The following MACIR variants were observed in gnomAD, a reference collection of about 807,000 sequenced individuals.
MACIR encodes UNC119-binding protein C5orf30.
In MACIR, 4 loss-of-function variants were observed where a neutral mutation model predicts 14.3. The observed-to-expected ratio is 0.28, with a 90% CI of 0.14 to 0.64. The LOEUF (loss-of-function observed/expected upper bound fraction) is 0.64, where lower values mean the gene tolerates loss of function less well. MACIR is among the 30% of genes least tolerant of loss of function. The pLI, the probability that MACIR is intolerant of heterozygous loss-of-function variation, is 0.83. For missense variants in MACIR, 228 were observed against 257.6 expected, an observed-to-expected ratio of 0.89 and a Z score of 0.79; for synonymous variants, 101 against 102.4, an observed-to-expected ratio of 0.99 and a Z score of 0.08.
rs1805390377 is a variant in MACIR, at chr5:103,277,818, T to C, written c.*1278T>C. The C allele has an allele frequency of 6.0e-6, 1 of 167,198 alleles. No homozygotes were observed. Among genetic ancestry groups the C allele is most frequent in the African/African-American group, 2.4e-5 (1 of 41,572 alleles). The allele number at this position is 167,198 out of a possible 1,614,324, so 10.4% of individuals were successfully genotyped here. A position where few individuals can be genotyped will look rare whatever the true frequency, so the allele number is the denominator to read the frequency against. On this transcript the variant is annotated 3_prime_UTR_variant, in exon 3 of 3. Transcript: ENST00000319933. ...ATTTTTGACTCTTAAAGGTGCAATTTATTACTGAATTGGGATTTCTGGCAG... is the reference window on the plus strand; with the variant it reads ...ATTTTTGACTCTTAAAGGTGCAATTCATTACTGAATTGGGATTTCTGGCAG...
At chr5:103,269,562 G>T (rs184972754) in intron 2 of MACIR, among the ~76,000 whole-genome samples, 1 of 151,938 alleles carries the variant, frequency 6.6e-6, no homozygotes, top group Non-Finnish European at 1.5e-5. Context: ...AGAATTCTTC[G>T]TATAGCAGTT....
At chr5:103,261,471 G>A (rs939214737) in intron 1 of MACIR, among the ~76,000 whole-genome samples, 3 of 152,098 alleles carry the variant, frequency 2.0e-5, no homozygotes, top group Non-Finnish European at 4.4e-5. Flanking sequence ...CTCCAGAGAT[G>A]TTTTGGTTCA....
chr5:103,262,948 G>A (rs1384041405), intron 1 of MACIR, among the ~76,000 whole-genome samples: 1 of 152,134 alleles, frequency 6.6e-6, no homozygotes, highest in African/African-American at 2.4e-5. Flanking sequence ...GCCAAAATCA[G>A]TTGCAAGCGT....
intron 1 of MACIR, among the ~76,000 whole-genome samples, chr5:103,262,023 A>G (rs2149921098): frequency 6.6e-6 from 1 of 152,226 alleles, no homozygotes; most frequent in East Asian, 1.9e-4. Flanking sequence ...GAGATTCACG[A>G]CTTTTTTGTG....
intron 2 of MACIR, among the ~76,000 whole-genome samples, chr5:103,268,248 T>C (rs782675966): frequency 1.3e-5 from 2 of 152,192 alleles, no homozygotes; most frequent in Non-Finnish European, 2.9e-5. Context: ...ATTTTATAAG[T>C]AAATGCCAAA....
chr5:103,264,130 A>C (rs1452294459), intron 1 of MACIR, among the ~76,000 whole-genome samples: 1 of 152,182 alleles, frequency 6.6e-6, no homozygotes, highest in Non-Finnish European at 1.5e-5. Context: ...TTGCGGGATC[A>C]TGATTATTGT....
rs1285485964 is a variant in MACIR at position 103,258,840 on chromosome 5, CT to C, written c.-169del. 1.8e-4 allele frequency: 27 copies of C among 152,388 alleles called. No homozygotes were observed. The highest frequency in any genetic ancestry group is 3.1e-3 in the Middle Eastern group (1 of 322). 9.4% of individuals were successfully genotyped at this position (152,388 alleles called of 1,614,324 possible). On this transcript the variant is annotated 5_prime_UTR_variant, in exon 1 of 3. Transcript: ENST00000319933. ...CCGCAGTCCTGCGCCTCTCCCGCCC[CT>C]GTCTCCCGCTCCGCAGCCCCGGGCA...
chr5:103,261,600 T>C (rs1554236263), intron 1 of MACIR, among the ~76,000 whole-genome samples: 1 of 152,092 alleles, frequency 6.6e-6, no homozygotes, highest in Non-Finnish European at 1.5e-5. Flanking sequence ...AGTGGTCTCT[T>C]CTTAAATAGC....
Position 103,276,582 on chromosome 5 carries a change from C to T in MACIR, c.*42C>T, listed in dbSNP as rs576781368. On this transcript the variant is annotated 3_prime_UTR_variant, in exon 3 of 3. Transcript: ENST00000319933. ...TTAAACCAATTTAGGTCAGCCTACG[C>T]TTGGCTAGAAAAAACCCACTGCTGT... 1.4e-5 allele frequency: 22 copies of T among 1,553,186 alleles called. No individual in the cohort carries two copies. In the East Asian group the frequency reaches 4.9e-4, roughly 35 times the overall value.
At position 103,278,020 on chromosome 5, in the gene MACIR, T is replaced by C. The variant is rs541618343; in HGVS notation, c.*1480T>C. ...GAGCAAAGTAAGTATTAGAAAACCC[T>C]AGGAACTCTTAATCAACGTTTATTA... On this transcript the variant is annotated 3_prime_UTR_variant, in exon 3 of 3. Coordinates refer to ENST00000319933, the MANE Select transcript of MACIR (RefSeq NM_033211.4). 1 of 167,174 alleles carries C rather than the reference T, an allele frequency of 6.0e-6. No individual in the cohort carries two copies. The allele number at this position is 167,174 out of a possible 1,614,324, so 10.4% of individuals were successfully genotyped here.
chr5:103,264,342 G>T (rs1222371571), intron 1 of MACIR, among the ~76,000 whole-genome samples: 1 of 152,076 alleles, frequency 6.6e-6, no homozygotes, highest in Non-Finnish European at 1.5e-5. Context: ...GAGTAGTTAA[G>T]ATTAAATGAT....
At chr5:103,274,203 T>C (rs1344902996) in intron 2 of MACIR, among the ~76,000 whole-genome samples, 1 of 152,140 alleles carries the variant, frequency 6.6e-6, no homozygotes, top group Non-Finnish European at 1.5e-5. Context: ...CGAGTAAATA[T>C]TTGTTTGTTT....
chr5:103,263,605 A>G (rs434830), intron 1 of MACIR, among the ~76,000 whole-genome samples: 45,285 of 151,994 alleles, frequency 0.3, 6,739 homozygotes, highest in Non-Finnish European at 0.32. Context: ...TTAAAAGCTT[A>G]AAAAGAAGAA....
Position 103,275,918 on chromosome 5 carries a change from A to C in MACIR, c.-2A>C, listed in dbSNP as rs782563123. On this transcript the variant is annotated 5_prime_UTR_variant, in exon 3 of 3. Coordinates refer to ENST00000319933, the MANE Select transcript of MACIR (RefSeq NM_033211.4). The stretch of plus-strand genomic sequence containing the variant: ...TTAGGATTGTGCAGACTGGTGCTTA[A>C]AATGGAAGTCGATATTAATGGAGAG... 1.2e-6 allele frequency: 2 copies of C among 1,608,702 alleles called. No homozygotes were observed. Among genetic ancestry groups the C allele is most frequent in the Non-Finnish European group, 1.7e-6 (2 of 1,176,844 alleles).
chr5:103,266,173 G>A lies in MACIR; in HGVS notation c.-24+176G>A, dbSNP rs575551809. 2.0e-5 allele frequency among the ~76,000 whole-genome samples: 3 copies of A among 152,156 alleles called. No homozygotes were observed. In the South Asian group the frequency reaches 6.2e-4, roughly 32 times the overall value. On this transcript the variant is annotated intron_variant, in intron 2 of 2. Transcript: ENST00000319933. ...TATACTATAATTACAAATTTTTAAT[G>A]GTGAGAAATGAACTTATTGTTGCAA... is the stretch of plus-strand genomic sequence containing the variant.
intron 1 of MACIR, among the ~76,000 whole-genome samples, chr5:103,260,136 G>C (rs28157): frequency 6.6e-6 from 1 of 151,528 alleles, no homozygotes; most frequent in Non-Finnish European, 1.5e-5. Flanking sequence ...TGAGCAGGAA[G>C]AATGGAGGCA....
intron 1 of MACIR, among the ~76,000 whole-genome samples, chr5:103,260,726 A>G (rs561097032): frequency 6.6e-6 from 1 of 152,350 alleles, no homozygotes; most frequent in Non-Finnish European, 1.5e-5. Context: ...AATTAACTCA[A>G]AAGTACTTAA....
At chr5:103,273,759 G>C (rs543007048) in intron 2 of MACIR, among the ~76,000 whole-genome samples, 2 of 152,148 alleles carry the variant, frequency 1.3e-5, no homozygotes, top group African/African-American at 4.8e-5. Flanking sequence ...CCTCACCTCT[G>C]TATGAATTAT....
intron 2 of MACIR, among the ~76,000 whole-genome samples, chr5:103,268,437 T>C (rs1805005146): frequency 6.6e-6 from 1 of 152,110 alleles, no homozygotes; most frequent in Non-Finnish European, 1.5e-5. Flanking sequence ...TTAGGAACAG[T>C]AAATTAGAAG....
Sources: gnomAD v4.1 joint callset for allele counts (sites outside exome capture counted in the v4.1 genomes callset) on GRCh38, gnomAD v4.1.1 for gene constraint, MANE v1.5 for transcripts, NCBI Gene and HGNC (gene_info 2026-07-23, HGNC 2026-07-21) for gene names.